KCNH1: variants seen among roughly 807,000 people sequenced by gnomAD.
The protein encoded by KCNH1 is voltage-gated delayed rectifier potassium channel KCNH1.
In KCNH1, 27 loss-of-function variants were observed where a neutral mutation model predicts 69.2. That is an observed-to-expected ratio of 0.39 (90% CI 0.29 to 0.54). KCNH1 has a LOEUF of 0.54. Ranked by LOEUF, KCNH1 falls within the 20% of genes least tolerant of loss-of-function variation. KCNH1 has a pLI of 0.68. For missense variants in KCNH1, 798 were observed against 1,261.6 expected (o/e 0.63, Z 5.57); for synonymous variants, 456 against 487.7 (o/e 0.93, Z 0.86).
At chr1:210,754,844 G>GCACACACA (rs3040180) in intron 10 of KCNH1, among the ~76,000 whole-genome samples, 1 of 148,854 alleles carries the variant, frequency 6.7e-6, no homozygotes, top group Non-Finnish European at 1.5e-5. Context: ...GTACACACGG[G>GCACACACA]CACACACACA....
chr1:210,977,139 T>C (rs1012805747), intron 6 of KCNH1, among the ~76,000 whole-genome samples: 1 of 152,136 alleles, frequency 6.6e-6, no homozygotes, highest in African/African-American at 2.4e-5. Context: ...TTCATGTCCT[T>C]TGTAGGGATA....
intron 10 of KCNH1, among the ~76,000 whole-genome samples, chr1:210,726,969 G>A (rs1046257681): frequency 1.3e-5 from 2 of 152,286 alleles, no homozygotes; most frequent in African/African-American, 4.8e-5. Context: ...AGCTCAGGGA[G>A]GTGGAGGCCA....
intron 5 of KCNH1, among the ~76,000 whole-genome samples, chr1:211,030,198 A>G (rs1203255324): frequency 1.3e-5 from 2 of 152,232 alleles, no homozygotes; most frequent in Non-Finnish European, 2.9e-5. Context: ...AAAATAGCTA[A>G]AACAATCTTG....
chr1:210,891,365 G>C (rs968330314), intron 7 of KCNH1, among the ~76,000 whole-genome samples: 3 of 152,236 alleles, frequency 2.0e-5, no homozygotes, highest in African/African-American at 7.2e-5. Context: ...ACAGGGTGAG[G>C]AACATCACAC....
intron 7 of KCNH1, among the ~76,000 whole-genome samples, chr1:210,916,822 A>C (rs887060103): frequency 6.6e-6 from 1 of 152,146 alleles, no homozygotes; most frequent in South Asian, 2.1e-4. Context: ...TACATAATGC[A>C]GAAGTGACTA....
At chr1:211,026,935 C>G (rs1201947857) in intron 5 of KCNH1, among the ~76,000 whole-genome samples, 3 of 152,158 alleles carry the variant, frequency 2.0e-5, no homozygotes, top group African/African-American at 7.2e-5. Context: ...TTACCCCAAC[C>G]TGGCAAAAGT....
intron 5 of KCNH1, among the ~76,000 whole-genome samples, chr1:211,075,772 C>T (rs186010242): frequency 6.6e-6 from 1 of 152,200 alleles, no homozygotes; most frequent in East Asian, 1.9e-4. Flanking sequence ...CGAAGCAGGG[C>T]GGAGCATTGC....
chr1:210,837,430 G>A (rs958896153), intron 7 of KCNH1, among the ~76,000 whole-genome samples: 1 of 152,212 alleles, frequency 6.6e-6, no homozygotes, highest in South Asian at 2.1e-4. Context: ...TATCACCAAC[G>A]ATTAGTGCAG....
At chr1:211,132,034 TA>T (rs1691884401) in intron 1 of KCNH1, among the ~76,000 whole-genome samples, 1 of 152,242 alleles carries the variant, frequency 6.6e-6, no homozygotes, top group African/African-American at 2.4e-5. Flanking sequence ...AAGGTTCCCT[TA>T]AAACCCAAGG....
chr1:210,966,052 C>A (rs11800961), intron 6 of KCNH1, among the ~76,000 whole-genome samples: 1 of 152,252 alleles, frequency 6.6e-6, no homozygotes, highest in South Asian at 2.1e-4. Flanking sequence ...ACCAATGGAA[C>A]AGAATAGAGG....
At chr1:210,911,872 C>T (rs578184526) in intron 7 of KCNH1, among the ~76,000 whole-genome samples, 15 of 152,280 alleles carry the variant, frequency 9.9e-5, no homozygotes, top group Admixed American at 8.5e-4. Flanking sequence ...ATATCTTCCA[C>T]CCCTCTCCTG....
At chr1:210,861,794 C>T in intron 7 of KCNH1, 2 of 767,416 alleles carry the variant, frequency 2.6e-6, no homozygotes, top group South Asian at 2.7e-5. Context: ...GGACTCCACT[C>T]CTCTAGTTTT....
At chr1:211,021,186 A>G (rs928719155) in intron 5 of KCNH1, among the ~76,000 whole-genome samples, 1 of 152,150 alleles carries the variant, frequency 6.6e-6, no homozygotes, top group East Asian at 1.9e-4. Flanking sequence ...GGGATAAAAG[A>G]CTACAAAATT....
chr1:211,033,155 G>T (rs1689824118), intron 5 of KCNH1, among the ~76,000 whole-genome samples: 1 of 152,300 alleles, frequency 6.6e-6, no homozygotes, highest in South Asian at 2.1e-4. Context: ...AAAGACACAT[G>T]AAAAAATGCT....
At chr1:210,696,814 C>A (rs1229681536) in intron 10 of KCNH1, among the ~76,000 whole-genome samples, 1 of 152,186 alleles carries the variant, frequency 6.6e-6, no homozygotes, top group Non-Finnish European at 1.5e-5. Context: ...AGAGAACAGC[C>A]TGCATAGAGG....
intron 10 of KCNH1, among the ~76,000 whole-genome samples, chr1:210,717,024 G>A (rs555449910): frequency 6.6e-6 from 1 of 152,290 alleles, no homozygotes; most frequent in African/African-American, 2.4e-5. Context: ...TCTTCCATTT[G>A]AGTTATATCT....
chr1:210,845,409 C>T (rs561696523), intron 7 of KCNH1, among the ~76,000 whole-genome samples: 1 of 152,108 alleles, frequency 6.6e-6, no homozygotes, highest in Non-Finnish European at 1.5e-5. Context: ...CCCTGGGATG[C>T]AAGGCTGGTT....
chr1:210,995,026 C>T (rs1689002664), intron 6 of KCNH1, among the ~76,000 whole-genome samples: 2 of 152,190 alleles, frequency 1.3e-5, no homozygotes, highest in African/African-American at 4.8e-5. Flanking sequence ...TTCTAATTGT[C>T]TACCCAATAT....
chr1:210,803,939 G>A (rs920891021), intron 8 of KCNH1, 28 bp downstream of exon 8: 1 of 1,601,522 alleles, frequency 6.2e-7, no homozygotes, highest in African/African-American at 1.3e-5. Flanking sequence ...AAGACAAATG[G>A]TTTCCCTGAG....
Sources: gnomAD v4.1 joint callset for allele counts (sites outside exome capture counted in the v4.1 genomes callset) on GRCh38, gnomAD v4.1.1 for gene constraint, MANE v1.5 for transcripts, NCBI Gene and HGNC (gene_info 2026-07-23, HGNC 2026-07-21) for gene names.